The following CORIN variants were observed in gnomAD, a reference collection of about 807,000 sequenced individuals.
The protein encoded by CORIN is corin, serine peptidase, also known as atrial natriuretic peptide-converting enzyme.
In CORIN, 117 loss-of-function variants were observed where a neutral mutation model predicts 125.3. That is an observed-to-expected ratio of 0.93 (90% CI 0.80 to 1.09). The LOEUF is 1.09. Among genes scored for constraint, CORIN ranks in the 50% least tolerant of loss-of-function variants. The probability of loss-of-function intolerance (pLI) is 0.00; values close to 1 mark genes in which losing one functional copy is unlikely to be tolerated. For synonymous variants in CORIN, 450 were observed against 466.4 expected (o/e 0.96, Z 0.45); for missense variants, 1,253 against 1,306.7 (o/e 0.96, Z 0.63).
chr4:47,772,664 A>C (rs1055250032), intron 3 of CORIN, among the ~76,000 whole-genome samples: 1 of 152,222 alleles, frequency 6.6e-6, no homozygotes. Flanking sequence ...TCTGTTTATC[A>C]GTTTCCTCAT....
intron 6 of CORIN, among the ~76,000 whole-genome samples, chr4:47,687,085 G>A (rs546798800): frequency 6.6e-5 from 10 of 152,296 alleles, no homozygotes; most frequent in African/African-American, 2.4e-4. Flanking sequence ...GTTCTCCCAG[G>A]TGTGGATTCA....
intron 13 of CORIN, 32 bp downstream of exon 13, chr4:47,653,521 C>G (rs765496217): frequency 1.3e-6 from 2 of 1,522,496 alleles, no homozygotes; most frequent in Non-Finnish European, 1.8e-6. Context: ...TATCACTGTA[C>G]ATTCAAGAAA....
intron 1 of CORIN, among the ~76,000 whole-genome samples, chr4:47,826,088 CAACT>C (rs951308109): frequency 3.6e-4 from 55 of 152,174 alleles, no homozygotes; most frequent in African/African-American, 1.3e-3. Flanking sequence ...GATAAGACAC[CAACT>C]GAGTTTTTGC....
At chr4:47,678,649 AT>A (rs921375737) in intron 8 of CORIN, among the ~76,000 whole-genome samples, 6 of 152,228 alleles carry the variant, frequency 3.9e-5, no homozygotes, top group Admixed American at 2.6e-4. Context: ...GACAACTGAT[AT>A]TTGAAAGGGA....
chr4:47,772,076 C>CATAG (rs57915863), intron 3 of CORIN, among the ~76,000 whole-genome samples: 74,400 of 148,950 alleles, frequency 0.5, 18,466 homozygotes, highest in East Asian at 0.55. Flanking sequence ...TTTCACATTA[C>CATAG]ATAGATAGAT....
intron 4 of CORIN, among the ~76,000 whole-genome samples, chr4:47,757,031 T>C (rs1393561591): frequency 6.6e-6 from 1 of 152,198 alleles, no homozygotes; most frequent in Non-Finnish European, 1.5e-5. Flanking sequence ...TTAAATTAAG[T>C]TTTAAATAGT....
At position 47,642,011 on chromosome 4, in the gene CORIN, T is replaced by C. The variant is rs1028718309; in HGVS notation, c.2107A>G (p.Met703Val). The change falls in exon 16 of 22, where the codon ATG becomes GTG. Residue 703 changes from methionine (M) to valine (V), a missense_variant. Coordinates refer to ENST00000273857, the MANE Select transcript of CORIN (RefSeq NM_006587.4). ...SINVNSSSFLMVHRAATEHHV... is the reference protein window; with the variant it reads ...SINVNSSSFLVVHRAATEHHV... Reference sequence around the variant, plus strand: ...TGTTCTGTGGCAGCTCTGTGAACCATCAGAAAGGAAGAGGAGTTCACATTT... The same window carrying C: ...TGTTCTGTGGCAGCTCTGTGAACCACCAGAAAGGAAGAGGAGTTCACATTT... The C allele has an allele frequency of 5.6e-6, 9 of 1,613,224 alleles. No homozygotes were observed. Among genetic ancestry groups the C allele is most frequent in the Non-Finnish European group, 7.6e-6 (9 of 1,179,588 alleles).
At position 47,613,401 on chromosome 4, in the gene CORIN, C is replaced by T. The variant is rs112533513; in HGVS notation, c.2541-9733G>A. On this transcript the variant is annotated intron_variant, in intron 19 of 21. Transcript: ENST00000273857. ...CTAGGAGGTGGAGGTTTCAGTGAGC[C>T]GAGACCGTGCCATTGCACTCCAGCC... is the stretch of plus-strand genomic sequence containing the variant. Among the ~76,000 whole-genome samples, 299 of 152,098 alleles carry T rather than the reference C, an allele frequency of 2.0e-3. 2 individuals are homozygous for T. Among genetic ancestry groups the T allele is most frequent in the African/African-American group, 5.1e-3 (213 of 41,472 alleles).
Position 47,822,494 on chromosome 4 carries a change from C to T in CORIN, c.63+15393G>A, listed in dbSNP as rs1732561597. On this transcript the variant is annotated intron_variant, in intron 1 of 21. Transcript: ENST00000273857. Reference sequence around the variant, plus strand: ...AGGATCTAATTTAGAATCACAATTACATTTGGTTTTCACGTCTCTTTAGTC... The same window carrying T: ...AGGATCTAATTTAGAATCACAATTATATTTGGTTTTCACGTCTCTTTAGTC... Among the ~76,000 whole-genome samples, 3 of 152,186 alleles carry T rather than the reference C, an allele frequency of 2.0e-5. 1 individual carries two copies. The South Asian group carries it at 6.2e-4, about 31-fold the overall frequency.
chr4:47,782,973 T>A (rs145505320), intron 3 of CORIN, among the ~76,000 whole-genome samples: 30 of 152,064 alleles, frequency 2.0e-4, no homozygotes, highest in African/African-American at 7.0e-4. Flanking sequence ...ATAGTGGTGA[T>A]GGTCTGAAAT....
intron 16 of CORIN, among the ~76,000 whole-genome samples, chr4:47,639,686 T>TG (rs2109602595): frequency 6.6e-6 from 1 of 152,338 alleles, no homozygotes; most frequent in South Asian, 2.1e-4. Context: ...GGCTTTGATC[T>TG]GGAGGAAATG....
chr4:47,837,328 G>A (rs1216928114), intron 1 of CORIN: 1 of 165,394 alleles, frequency 6.0e-6, no homozygotes, highest in African/African-American at 2.4e-5. Flanking sequence ...CCGGGCTGTG[G>A]AGGGACCGAC....
intron 13 of CORIN, among the ~76,000 whole-genome samples, chr4:47,648,048 A>G (rs1267355686): frequency 6.6e-6 from 1 of 152,230 alleles, no homozygotes; most frequent in Non-Finnish European, 1.5e-5. Context: ...TACAGTGAGC[A>G]CAAAAGAAGT....
At chr4:47,669,955 T>G (rs1454736566) in intron 10 of CORIN, among the ~76,000 whole-genome samples, 1 of 152,240 alleles carries the variant, frequency 6.6e-6, no homozygotes, top group Non-Finnish European at 1.5e-5. Context: ...TCCTGTCTTT[T>G]AAGTCTCTCG....
At chr4:47,793,498 T>C (rs984994346) in intron 2 of CORIN, among the ~76,000 whole-genome samples, 4 of 152,072 alleles carry the variant, frequency 2.6e-5, no homozygotes, top group Middle Eastern at 6.9e-3. Flanking sequence ...GAGGTGACAA[T>C]ATGAAGGCAT....
At chr4:47,802,027 C>A (rs1009548026) in intron 2 of CORIN, among the ~76,000 whole-genome samples, 6 of 152,160 alleles carry the variant, frequency 3.9e-5, no homozygotes, top group African/African-American at 1.4e-4. Context: ...AACTGGGGGA[C>A]TTTACATTGA....
At chr4:47,720,744 T>C (rs1727307753) in intron 5 of CORIN, among the ~76,000 whole-genome samples, 2 of 152,356 alleles carry the variant, frequency 1.3e-5, no homozygotes, top group South Asian at 4.2e-4. Context: ...TAGTTTTGCA[T>C]ACAGAACCAC....
At chr4:47,634,452 G>A (rs1722950577) in intron 16 of CORIN, among the ~76,000 whole-genome samples, 1 of 152,136 alleles carries the variant, frequency 6.6e-6, no homozygotes, top group Non-Finnish European at 1.5e-5. Flanking sequence ...TGATCTACAT[G>A]GTGAAACCCC....
At chr4:47,615,306 G>T (rs1722031402) in intron 19 of CORIN, among the ~76,000 whole-genome samples, 1 of 152,112 alleles carries the variant, frequency 6.6e-6, no homozygotes, top group Non-Finnish European at 1.5e-5. Context: ...GGAGTGACAT[G>T]GTGTGATTTA....
Sources: gnomAD v4.1 joint callset for allele counts (sites outside exome capture counted in the v4.1 genomes callset) on GRCh38, gnomAD v4.1.1 for gene constraint, MANE v1.5 for transcripts, NCBI Gene and HGNC (gene_info 2026-07-23, HGNC 2026-07-21) for gene names.